Variants in CDH9 observed in about 807,000 individuals in gnomAD.
CDH9 encodes the protein cadherin 9, also known as cadherin-9.
In CDH9, 28 loss-of-function variants were observed where a neutral mutation model predicts 70.9. That is an observed-to-expected ratio of 0.40 (90% CI 0.29 to 0.54). The LOEUF (loss-of-function observed/expected upper bound fraction) is 0.54, where lower values mean the gene tolerates loss of function less well. CDH9 is among the 20% of genes least tolerant of loss of function. The pLI is 0.59. For synonymous variants in CDH9, 409 were observed against 343.1 expected, an observed-to-expected ratio of 1.19 and a Z score of -2.12; for missense variants, 874 against 984.4, an observed-to-expected ratio of 0.89 and a Z score of 1.50.
At chr5:26,946,718 T>C (rs191070635) in intron 2 of CDH9, among the ~76,000 whole-genome samples, 1 of 152,110 alleles carries the variant, frequency 6.6e-6, no homozygotes, top group Non-Finnish European at 1.5e-5. Flanking sequence ...AGAGAAAAAA[T>C]TGGTAGCAGG....
At chr5:26,885,391 G>A (rs1053891925) in intron 11 of CDH9, among the ~76,000 whole-genome samples, 1 of 152,170 alleles carries the variant, frequency 6.6e-6, no homozygotes, top group African/African-American at 2.4e-5. Context: ...AAATACGCAT[G>A]TGTATAGCAT....
At chr5:26,997,012 G>A (rs886666472) in intron 1 of CDH9, among the ~76,000 whole-genome samples, 1 of 151,440 alleles carries the variant, frequency 6.6e-6, no homozygotes, top group Admixed American at 6.6e-5. Flanking sequence ...CCTTCCCTAA[G>A]GCAAAAAATC....
chr5:27,003,265 T>C (rs931943384), intron 1 of CDH9, among the ~76,000 whole-genome samples: 1 of 152,094 alleles, frequency 6.6e-6, no homozygotes, highest in Non-Finnish European at 1.5e-5. Context: ...TATACTGATA[T>C]AAATAAACAA....
At chr5:26,993,730 T>C (rs1451696158) in intron 1 of CDH9, among the ~76,000 whole-genome samples, 2 of 141,408 alleles carry the variant, frequency 1.4e-5, no homozygotes, top group African/African-American at 5.5e-5. Context: ...AAAGAACTAT[T>C]ATTCAAGACA....
At chr5:26,952,444 C>G (rs1379819287) in intron 2 of CDH9, among the ~76,000 whole-genome samples, 7 of 100,716 alleles carry the variant, frequency 7.0e-5, no homozygotes, top group African/African-American at 2.6e-4. Context: ...GAAACCCCGT[C>G]TCTACTAAAA....
At chr5:26,969,696 A>G (rs934616384) in intron 2 of CDH9, among the ~76,000 whole-genome samples, 5 of 152,062 alleles carry the variant, frequency 3.3e-5, no homozygotes, top group Non-Finnish European at 7.4e-5. Flanking sequence ...TATTTAATCC[A>G]TAGCTGTATA....
chr5:26,930,260 C>G (rs1210492861), intron 2 of CDH9, among the ~76,000 whole-genome samples: 1 of 151,926 alleles, frequency 6.6e-6, no homozygotes, highest in East Asian at 1.9e-4. Context: ...TTGGTTTCAT[C>G]TTTTTGTTTG....
intron 2 of CDH9, among the ~76,000 whole-genome samples, chr5:26,962,591 G>T (rs1742055881): frequency 6.6e-6 from 1 of 151,912 alleles, no homozygotes; most frequent in South Asian, 2.1e-4. Flanking sequence ...GCATTTTTTT[G>T]TAAGTTTGTT....
At chr5:26,895,466 T>C (rs1044818368) in intron 7 of CDH9, among the ~76,000 whole-genome samples, 2 of 152,058 alleles carry the variant, frequency 1.3e-5, no homozygotes, top group African/African-American at 4.8e-5. Context: ...TATTGAGGCA[T>C]AATTAAATCC....
At chr5:26,910,287 A>T (rs1249408265) in intron 3 of CDH9, among the ~76,000 whole-genome samples, 1 of 151,742 alleles carries the variant, frequency 6.6e-6, no homozygotes, top group Non-Finnish European at 1.5e-5. Context: ...CTCTCTATAT[A>T]AACTTACAAT....
chr5:26,988,555 G>A (rs922372787), intron 1 of CDH9, among the ~76,000 whole-genome samples, 173 bp from the exon 2 acceptor site: 2 of 151,832 alleles, frequency 1.3e-5, no homozygotes, highest in African/African-American at 4.8e-5. Flanking sequence ...ACATAGATAA[G>A]TAGAAAGACA....
chr5:26,949,416 T>C (rs1305949376), intron 2 of CDH9, among the ~76,000 whole-genome samples: 1 of 152,202 alleles, frequency 6.6e-6, no homozygotes, highest in Non-Finnish European at 1.5e-5. Context: ...ATGGAAAAGA[T>C]ACTTGTAAAA....
chr5:26,923,673 A>T (rs1327179869), intron 2 of CDH9, among the ~76,000 whole-genome samples: 1 of 152,074 alleles, frequency 6.6e-6, no homozygotes, highest in Non-Finnish European at 1.5e-5. Flanking sequence ...GCCACAAAAC[A>T]TATTTTGAAA....
At chr5:26,990,686 G>A (rs1484911455) in intron 1 of CDH9, among the ~76,000 whole-genome samples, 7 of 152,138 alleles carry the variant, frequency 4.6e-5, no homozygotes, top group Admixed American at 4.6e-4. Flanking sequence ...GAGTGATGCT[G>A]TAGTGGAAAA....
intron 1 of CDH9, among the ~76,000 whole-genome samples, chr5:27,026,390 G>A (rs1194322802): frequency 2.0e-5 from 3 of 151,782 alleles, no homozygotes; most frequent in Non-Finnish European, 2.9e-5. Context: ...AAAATGGTAT[G>A]TGTCATAATA....
intron 1 of CDH9, among the ~76,000 whole-genome samples, chr5:27,014,852 A>G (rs375178537): frequency 2.0e-5 from 3 of 151,842 alleles, no homozygotes; most frequent in East Asian, 1.9e-4. Flanking sequence ...GAGTTTTTCA[A>G]TAAATAAGAA....
intron 2 of CDH9, among the ~76,000 whole-genome samples, chr5:26,943,488 G>A: frequency 6.9e-6 from 1 of 145,114 alleles, no homozygotes; most frequent in Admixed American, 7.3e-5. Flanking sequence ...ACTCCAGTCT[G>A]GGCAACAGAG....
chr5:26,890,322 G>A, intron 8 of CDH9, 106 bp downstream of exon 8: 1 of 845,930 alleles, frequency 1.2e-6, no homozygotes, highest in Non-Finnish European at 1.9e-6. Context: ...CTAAGATCTT[G>A]CTAAGGATAC....
intron 2 of CDH9, among the ~76,000 whole-genome samples, chr5:26,977,909 T>C (rs993699202): frequency 2.0e-5 from 3 of 151,966 alleles, no homozygotes; most frequent in African/African-American, 4.8e-5. Flanking sequence ...ATTAGTAGAG[T>C]AATAACTTAA....
Sources: allele counts gnomAD v4.1 joint callset (sites outside exome capture counted in the v4.1 genomes callset), GRCh38; gene constraint gnomAD v4.1.1; transcripts MANE v1.5; gene names NCBI Gene and HGNC (gene_info 2026-07-23, HGNC 2026-07-21).